SERGEF: variants seen among roughly 807,000 people sequenced by gnomAD.
The protein encoded by SERGEF is secretion-regulating guanine nucleotide exchange factor.
SERGEF carries 51 observed loss-of-function variants against 50.0 expected under a neutral mutation model. The ratio of observed to expected loss-of-function variants is 1.02; its 90% CI spans 0.81 to 1.29. SERGEF has a LOEUF of 1.29. Among genes scored for constraint, SERGEF ranks in the 50% most tolerant of loss-of-function variants. SERGEF has a pLI of 0.00. For synonymous variants in SERGEF, 205 were observed against 212.4 expected (o/e 0.97, Z 0.30); for missense variants, 521 against 557.0 (o/e 0.94, Z 0.65).
chr11:17,824,614 C>T (rs7115183), intron 10 of SERGEF, among the ~76,000 whole-genome samples: 59,380 of 152,036 alleles, frequency 0.39, 12,632 homozygotes, highest in East Asian at 0.84. Flanking sequence ...TAGACGTCTA[C>T]AATCAAGGTG....
chr11:17,957,519 A>G (rs1852900357), intron 9 of SERGEF, among the ~76,000 whole-genome samples: 1 of 152,232 alleles, frequency 6.6e-6, no homozygotes. Context: ...AGTGTAAAGC[A>G]CTATTTACAG....
intron 10 of SERGEF, among the ~76,000 whole-genome samples, chr11:17,816,200 C>T (rs1849972221): frequency 6.6e-6 from 1 of 152,136 alleles, no homozygotes; most frequent in South Asian, 2.1e-4. Flanking sequence ...ACCATGGTGT[C>T]TCCTGAGAAA....
At chr11:17,897,076 G>A (rs1851661237) in intron 9 of SERGEF, among the ~76,000 whole-genome samples, 1 of 152,156 alleles carries the variant, frequency 6.6e-6, no homozygotes, top group African/African-American at 2.4e-5. Context: ...GTTTTCTCTG[G>A]CTGATGGCAG....
chr11:17,908,026 T>A (rs1851882573), intron 9 of SERGEF, among the ~76,000 whole-genome samples: 2 of 152,204 alleles, frequency 1.3e-5, no homozygotes. Context: ...TAACCTTAGT[T>A]CAAGTTCTCC....
intron 8 of SERGEF, among the ~76,000 whole-genome samples, chr11:17,979,264 G>A (rs952523358): frequency 2.0e-5 from 3 of 152,278 alleles, no homozygotes; most frequent in East Asian, 3.9e-4. Context: ...AGGATTCCTC[G>A]CAAACCTCAA....
intron 9 of SERGEF, among the ~76,000 whole-genome samples, chr11:17,895,754 T>C (rs952830684): frequency 1.3e-5 from 2 of 152,252 alleles, no homozygotes; most frequent in Non-Finnish European, 2.9e-5. Flanking sequence ...ATAATCCCAC[T>C]GTCCACTTAA....
chr11:17,938,442 T>A (rs1368193318), intron 9 of SERGEF, among the ~76,000 whole-genome samples: 1 of 152,144 alleles, frequency 6.6e-6, no homozygotes, highest in Non-Finnish European at 1.5e-5. Context: ...TACAGCAAGT[T>A]ATCAGCAAGC....
chr11:17,894,410 C>A (rs912983081), intron 9 of SERGEF, among the ~76,000 whole-genome samples: 1 of 152,288 alleles, frequency 6.6e-6, no homozygotes, highest in South Asian at 2.1e-4. Flanking sequence ...TGGTTAAATA[C>A]CTTGACTAAA....
rs533314158 is a variant in SERGEF, at chr11:18,000,573, A to C, written c.448-16T>G. 6.4e-7 allele frequency: 1 copy of C among 1,566,440 alleles called. No homozygotes were observed. Among genetic ancestry groups the C allele is most frequent in the Non-Finnish European group, 8.6e-7 (1 of 1,157,912 alleles). On this transcript the variant is annotated splice_polypyrimidine_tract_variant and intron_variant, in intron 4 of 10. Coordinates refer to ENST00000265965, the MANE Select transcript of SERGEF (RefSeq NM_012139.4). ...CTTTATGGAGCTGTCAAAATAAAGA[A>C]AAGGATTTAGATCTCAGAACCATCC... is the stretch of plus-strand genomic sequence containing the variant.
chr11:17,803,942 GTTC>G (rs1849714211), intron 10 of SERGEF, among the ~76,000 whole-genome samples: 1 of 152,202 alleles, frequency 6.6e-6, no homozygotes, highest in African/African-American at 2.4e-5. Flanking sequence ...AAACCATTTT[GTTC>G]TTCTCTGCTG....
chr11:17,827,604 T>A (rs900617217), intron 10 of SERGEF, among the ~76,000 whole-genome samples: 1 of 152,102 alleles, frequency 6.6e-6, no homozygotes, highest in African/African-American at 2.4e-5. Context: ...CCCTCAGAAA[T>A]CCCTCGGCAT....
At chr11:17,985,144 CTAGTAGTCTCAAGG>C (rs1216477025) in intron 8 of SERGEF, among the ~76,000 whole-genome samples, 6 of 152,094 alleles carry the variant, frequency 3.9e-5, no homozygotes, top group African/African-American at 1.4e-4. Flanking sequence ...AGCTTTCAGG[CTAGTAGTCTCAAGG>C]TGGCATTATC....
At chr11:17,963,349 G>T (rs1590221202) in intron 8 of SERGEF, among the ~76,000 whole-genome samples, 1 of 116,272 alleles carries the variant, frequency 8.6e-6, no homozygotes, top group Admixed American at 1.1e-4. Context: ...CCTAAACTTG[G>T]TTGCTTACTA....
chr11:18,010,259 C>T (rs1326384694), intron 1 of SERGEF: 2 of 339,250 alleles, frequency 5.9e-6, no homozygotes, highest in Admixed American at 8.1e-5. Flanking sequence ...GCTGCAAGGA[C>T]TCAAAGATGG....
chr11:17,968,590 G>T (rs963328556), intron 8 of SERGEF, among the ~76,000 whole-genome samples: 1 of 151,934 alleles, frequency 6.6e-6, no homozygotes, highest in African/African-American at 2.4e-5. Flanking sequence ...TGTAGTCCTA[G>T]CTATTCCAGA....
At chr11:17,907,869 G>A (rs1398706899) in intron 9 of SERGEF, among the ~76,000 whole-genome samples, 1 of 152,180 alleles carries the variant, frequency 6.6e-6, no homozygotes, top group African/African-American at 2.4e-5. Flanking sequence ...GGAACTGCTT[G>A]TAGGAGACAG....
chr11:17,909,446 C>T (rs1851908982), intron 9 of SERGEF, among the ~76,000 whole-genome samples: 1 of 152,204 alleles, frequency 6.6e-6, no homozygotes, highest in African/African-American at 2.4e-5. Context: ...GATATGTTAC[C>T]ATTCCCAGTG....
At position 17,948,486 on chromosome 11, in the gene SERGEF, G is replaced by A. The variant is rs185640410; in HGVS notation, c.1011+10984C>T. On this transcript the variant is annotated intron_variant, in intron 9 of 10. Coordinates refer to ENST00000265965, the MANE Select transcript of SERGEF (RefSeq NM_012139.4). ...GTCAAATGATATGCATGCTCCCCAC[G>A]TAATTAATAAGAAATCTTATCAGTG... Among the ~76,000 whole-genome samples, 7 of 152,190 alleles carry A rather than the reference G, an allele frequency of 4.6e-5. No individual in the cohort carries two copies. The East Asian group carries it at 5.8e-4, about 13-fold the overall frequency.
chr11:17,804,737 T>C (rs939710001), intron 10 of SERGEF, among the ~76,000 whole-genome samples: 1 of 152,212 alleles, frequency 6.6e-6, no homozygotes, highest in Non-Finnish European at 1.5e-5. Flanking sequence ...CAACAACTAT[T>C]ATTATTACTA....
Sources: allele counts gnomAD v4.1 joint callset (sites outside exome capture counted in the v4.1 genomes callset), GRCh38; gene constraint gnomAD v4.1.1; transcripts MANE v1.5; gene names NCBI Gene and HGNC (gene_info 2026-07-23, HGNC 2026-07-21).